Variants in MGAT4C observed in about 807,000 individuals in gnomAD.
The protein encoded by MGAT4C is MGAT4 family member C.
In MGAT4C, 19 loss-of-function variants were observed where a neutral mutation model predicts 40.1. The observed-to-expected ratio is 0.47, with a 90% CI of 0.33 to 0.70. MGAT4C has a LOEUF of 0.70. MGAT4C is among the 30% of genes least tolerant of loss of function. MGAT4C has a pLI of 0.02. For synonymous variants in MGAT4C, 181 were observed against 187.1 expected (o/e 0.97, Z 0.27); for missense variants, 491 against 563.2 (o/e 0.87, Z 1.30).
chr12:86,219,074 G>A (rs1330256612), intron 1 of MGAT4C, among the ~76,000 whole-genome samples: 4 of 152,238 alleles, frequency 2.6e-5, no homozygotes, highest in South Asian at 4.1e-4. Context: ...CAGCTACTCC[G>A]GAGGCTGAGG....
intron 2 of MGAT4C, among the ~76,000 whole-genome samples, chr12:86,632,684 G>C (rs1466102395): frequency 6.7e-6 from 1 of 150,354 alleles, no homozygotes; most frequent in Non-Finnish European, 1.5e-5. Flanking sequence ...GCAGTTTCTC[G>C]CTCATAGGTG....
intron 2 of MGAT4C, among the ~76,000 whole-genome samples, chr12:86,635,022 G>A (rs565119534): frequency 2.6e-5 from 4 of 152,212 alleles, no homozygotes; most frequent in South Asian, 2.1e-4. Flanking sequence ...TAGCTCTTAC[G>A]TCTTACTGAG....
chr12:86,684,139 G>A (rs1460359379), intron 2 of MGAT4C, among the ~76,000 whole-genome samples: 1 of 152,090 alleles, frequency 6.6e-6, no homozygotes, highest in Non-Finnish European at 1.5e-5. Flanking sequence ...ACTTTGGGAG[G>A]CCGAGGCGGG....
chr12:86,498,627 T>C (rs936453934), intron 2 of MGAT4C, among the ~76,000 whole-genome samples: 25 of 151,942 alleles, frequency 1.6e-4, no homozygotes, highest in African/African-American at 5.8e-4. Context: ...AAATAATAAC[T>C]GCATAAAATT....
In MGAT4C at chr12:85,983,554, G is replaced by A. The variant is rs758123335; in HGVS notation, c.264C>T (p.Arg88=). 1.3e-6 allele frequency: 2 copies of A among 1,590,276 alleles called. No homozygotes were observed. The highest frequency in any genetic ancestry group is 2.3e-5 in the South Asian group (2 of 86,374). ...TTTGTAAAGGTGTGGCAGCTAGGTA[G>A]CGATAGGTGACATTTATGGCTCCTG... ...NFSGAINVTY[R]YLAATPLQRK... Residue 88 remains arginine (R), a synonymous_variant, in exon 4 of 5, where the codon CGC becomes CGT. Coordinates refer to ENST00000611864, the MANE Select transcript of MGAT4C (RefSeq NM_001351288.2).
chr12:86,821,006 T>C (rs1952695979), intron 1 of MGAT4C, among the ~76,000 whole-genome samples: 1 of 150,922 alleles, frequency 6.6e-6, no homozygotes, highest in South Asian at 2.1e-4. Flanking sequence ...CAGAAAGCAA[T>C]TCTTAGCCCA....
In MGAT4C at chr12:86,347,343, AC is replaced by A. The variant is rs1225139185; in HGVS notation, c.-119-13217del. ...ACAGAGAAATATTAAGTATAAAAAAACACATGGCATATTTTAAAAACATGCC... is the reference window on the plus strand; with the variant it reads ...ACAGAGAAATATTAAGTATAAAAAAAACATGGCATATTTTAAAAACATGCC... On this transcript the variant is annotated intron_variant, in intron 3 of 7. Transcript: ENST00000548651. Among the ~76,000 whole-genome samples the A allele has an allele frequency of 3.3e-5, 5 of 152,204 alleles. No individual in the cohort carries two copies. The East Asian group carries it at 7.7e-4, about 23-fold the overall frequency.
intron 1 of MGAT4C, among the ~76,000 whole-genome samples, chr12:86,061,315 G>A (rs1893940309): frequency 6.6e-6 from 1 of 152,014 alleles, no homozygotes; most frequent in South Asian, 2.1e-4. Context: ...TTGAGGAACG[G>A]TGCACTCCAG....
In MGAT4C at chr12:86,159,605, T is replaced by A. The variant is rs77026190; in HGVS notation, c.-57+96634A>T. On this transcript the variant is annotated intron_variant, in intron 1 of 4. Coordinates refer to ENST00000611864, the MANE Select transcript of MGAT4C (RefSeq NM_001351288.2). The stretch of plus-strand genomic sequence containing the variant: ...AATGATTTTAGTAGAATTGGTATAT[T>A]TTTTTTCTTTTTATACATCTGGTAG... 1.6e-3 allele frequency among the ~76,000 whole-genome samples: 245 copies of A among 152,010 alleles called. 6 individuals carry two copies. In the East Asian group the frequency reaches 0.04, roughly 25 times the overall value.
At chr12:86,430,323 ATTCT>A (rs1400081861) in intron 3 of MGAT4C, among the ~76,000 whole-genome samples, 1 of 151,990 alleles carries the variant, frequency 6.6e-6, no homozygotes, top group Non-Finnish European at 1.5e-5. Flanking sequence ...TGATTCCTTG[ATTCT>A]TCATAATCCT....
intron 1 of MGAT4C, among the ~76,000 whole-genome samples, chr12:86,115,750 G>A (rs1878308220): frequency 6.6e-6 from 1 of 151,984 alleles, no homozygotes. Flanking sequence ...TTTGTTCTGG[G>A]GAAGAAGACA....
chr12:86,214,389 C>T (rs941341197), intron 1 of MGAT4C, among the ~76,000 whole-genome samples: 2 of 152,064 alleles, frequency 1.3e-5, no homozygotes, highest in Non-Finnish European at 2.9e-5. Context: ...TGATTTTTAC[C>T]TATAGACTAT....
At chr12:86,835,010 C>G (rs1404391432) in intron 1 of MGAT4C, among the ~76,000 whole-genome samples, 2 of 151,800 alleles carry the variant, frequency 1.3e-5, no homozygotes, top group Non-Finnish European at 2.9e-5. Context: ...ACATGTCTGC[C>G]TTTACTTTTT....
intron 2 of MGAT4C, among the ~76,000 whole-genome samples, chr12:86,705,336 A>G (rs761632309): frequency 6.6e-6 from 1 of 151,968 alleles, no homozygotes; most frequent in Non-Finnish European, 1.5e-5. Flanking sequence ...ATTTGCTACT[A>G]AGAGGCTGGG....
intron 1 of MGAT4C, among the ~76,000 whole-genome samples, chr12:86,159,440 G>A (rs1366464758): frequency 6.6e-6 from 1 of 150,432 alleles, no homozygotes; most frequent in East Asian, 1.9e-4. Flanking sequence ...TTTTTTTTGA[G>A]GATTTTTGTG....
intron 2 of MGAT4C, among the ~76,000 whole-genome samples, chr12:86,450,118 A>C (rs565445131): frequency 1.3e-5 from 2 of 152,236 alleles, no homozygotes; most frequent in African/African-American, 4.8e-5. Context: ...GTTCAGCGTT[A>C]GTAGAAATTG....
chr12:86,024,126 A>G (rs1168589790), intron 2 of MGAT4C, among the ~76,000 whole-genome samples: 2 of 151,770 alleles, frequency 1.3e-5, no homozygotes, highest in Non-Finnish European at 3.0e-5. Flanking sequence ...ACCTTTCTAT[A>G]TTTTGTACTT....
At chr12:85,980,800 C>A (rs1277811787) in intron 4 of MGAT4C, among the ~76,000 whole-genome samples, 1 of 151,820 alleles carries the variant, frequency 6.6e-6, no homozygotes, top group Non-Finnish European at 1.5e-5. Context: ...ATACAAGTTA[C>A]TTTTTAAAGA....
intron 2 of MGAT4C, among the ~76,000 whole-genome samples, chr12:86,017,236 G>GAGCTATAA (rs1889182054): frequency 6.6e-6 from 1 of 152,068 alleles, no homozygotes; most frequent in African/African-American, 2.4e-5. Context: ...TTACATTGCA[G>GAGCTATAA]GAATCTCGAA....
Sources: allele counts gnomAD v4.1 joint callset (sites outside exome capture counted in the v4.1 genomes callset), GRCh38; gene constraint gnomAD v4.1.1; transcripts MANE v1.5; gene names NCBI Gene and HGNC (gene_info 2026-07-23, HGNC 2026-07-21).